TBC1D2B: variants seen among roughly 807,000 people sequenced by gnomAD.
TBC1D2B encodes the protein TBC1 domain family, member 2B.
A neutral mutation model predicts 100.8 loss-of-function variants in TBC1D2B; 64 were observed. The observed-to-expected ratio is 0.64, with a 90% CI of 0.52 to 0.78. The LOEUF is 0.78. Ranked by LOEUF, TBC1D2B falls within the 30% of genes least tolerant of loss-of-function variation. The probability of loss-of-function intolerance (pLI) is 0.00; values close to 1 mark genes in which losing one functional copy is unlikely to be tolerated. For missense variants in TBC1D2B, 1,052 were observed against 1,218.4 expected (o/e 0.86, Z 2.03); for synonymous variants, 480 against 479.7 (o/e 1.00, Z -0.01).
At chr15:78,004,432 A>T (rs2072012240) in intron 10 of TBC1D2B, among the ~76,000 whole-genome samples, 2 of 152,196 alleles carry the variant, frequency 1.3e-5, no homozygotes, top group African/African-American at 4.8e-5. Flanking sequence ...GTGAGGCAGC[A>T]CAGCCAGGCA....
intron 1 of TBC1D2B, among the ~76,000 whole-genome samples, chr15:78,074,692 GA>G (rs2073800120): frequency 6.6e-6 from 1 of 152,104 alleles, no homozygotes; most frequent in Non-Finnish European, 1.5e-5. Flanking sequence ...TTCCCCTCGC[GA>G]AAGAGCATAC....
At chr15:78,053,751 T>C in intron 2 of TBC1D2B, 1 of 309,142 alleles carries the variant, frequency 3.2e-6, no homozygotes. Context: ...AGGCTGGCCC[T>C]GCAGTCAGAA....
In TBC1D2B at chr15:78,013,145, T is replaced by C. The variant is rs1021729301; in HGVS notation, c.1948A>G (p.Met650Val). 3.7e-6 allele frequency: 6 copies of C among 1,613,838 alleles called. No individual in the cohort carries two copies. Among genetic ancestry groups the C allele is most frequent in the Non-Finnish European group, 4.2e-6 (5 of 1,179,886 alleles). Residue 650 changes from methionine (M) to valine (V), a missense_variant, in exon 9 of 13, where the codon ATG becomes GTG. Transcript: ENST00000300584. ...YFASTVNREM[M>V]CSPELKNLIR... Reference sequence around the variant, plus strand: ...AGGTTTTTTAACTCTGGAGAGCACATCATCTCCCTGTTCACTGTACTTGCA... The same window carrying C: ...AGGTTTTTTAACTCTGGAGAGCACACCATCTCCCTGTTCACTGTACTTGCA...
intron 6 of TBC1D2B, among the ~76,000 whole-genome samples, chr15:78,019,571 C>T (rs905825393): frequency 6.6e-6 from 1 of 150,846 alleles, no homozygotes; most frequent in Non-Finnish European, 1.5e-5. Context: ...CTACTGGTGT[C>T]TTAAAAGCTT....
chr15:78,030,206 C>G, intron 3 of TBC1D2B, 36 bp from the exon 4 acceptor site: 1 of 1,567,422 alleles, frequency 6.4e-7, no homozygotes, highest in Non-Finnish European at 8.7e-7. Context: ...TTAACAAAAA[C>G]AAAAGTAAAA....
chr15:78,034,489 G>A (rs1292221170), intron 3 of TBC1D2B: 1 of 985,236 alleles, frequency 1.0e-6, no homozygotes, highest in African/African-American at 1.7e-5. Context: ...TGCCCTAGCT[G>A]TCAAACTGTG....
chr15:78,074,931 T>C (rs545236609), intron 1 of TBC1D2B, among the ~76,000 whole-genome samples: 66 of 152,348 alleles, frequency 4.3e-4, no homozygotes, highest in African/African-American at 1.5e-3. Flanking sequence ...ATGTTTCATA[T>C]GCCATGTAGT....
At chr15:78,077,153 T>G (rs1596335181) in intron 1 of TBC1D2B, 140 bp downstream of exon 1, 1 of 1,174,270 alleles carries the variant, frequency 8.5e-7, no homozygotes, top group Non-Finnish European at 1.1e-6. Flanking sequence ...GGGCGGGATG[T>G]GGAGAAGCAG....
At chr15:78,064,320 G>C (rs2073612058) in intron 1 of TBC1D2B, among the ~76,000 whole-genome samples, 1 of 152,142 alleles carries the variant, frequency 6.6e-6, no homozygotes, top group Non-Finnish European at 1.5e-5. Flanking sequence ...CCTTCCCAAA[G>C]GGTCAGGTCC....
At chr15:78,068,876 C>G (rs937307789) in intron 1 of TBC1D2B, among the ~76,000 whole-genome samples, 1 of 152,350 alleles carries the variant, frequency 6.6e-6, no homozygotes, top group Non-Finnish European at 1.5e-5. Context: ...TGAGGGCTGG[C>G]CTGACAGGAT....
chr15:78,003,636 G>A (rs2071979556), intron 10 of TBC1D2B, 146 bp from the exon 11 acceptor site: 4 of 607,918 alleles, frequency 6.6e-6, no homozygotes, highest in Non-Finnish European at 5.8e-6. Context: ...GGCCCATCAC[G>A]GAGCCAGACT....
chr15:78,050,103 C>T (rs2073281744), intron 2 of TBC1D2B, among the ~76,000 whole-genome samples: 1 of 152,150 alleles, frequency 6.6e-6, no homozygotes, highest in Admixed American at 6.5e-5. Flanking sequence ...GCCTGCATTC[C>T]ACCTGATGGC....
At chr15:78,026,688 G>A (rs1435715978) in intron 4 of TBC1D2B, among the ~76,000 whole-genome samples, 1 of 152,158 alleles carries the variant, frequency 6.6e-6, no homozygotes, top group Non-Finnish European at 1.5e-5. Context: ...GGCCGAGGCA[G>A]GTGGATCACC....
intron 2 of TBC1D2B, among the ~76,000 whole-genome samples, chr15:78,052,879 G>A (rs1265169189): frequency 6.6e-6 from 1 of 152,178 alleles, no homozygotes; most frequent in Non-Finnish European, 1.5e-5. Context: ...GACTCTGAAC[G>A]AAACATAAGG....
chr15:78,072,443 C>T (rs1166119009), intron 1 of TBC1D2B, among the ~76,000 whole-genome samples: 1 of 152,200 alleles, frequency 6.6e-6, no homozygotes, highest in East Asian at 1.9e-4. Context: ...GGCAGAACAG[C>T]TTAGAAGAAC....
chr15:78,027,190 C>T (rs2072692987), intron 4 of TBC1D2B, among the ~76,000 whole-genome samples: 1 of 152,132 alleles, frequency 6.6e-6, no homozygotes, highest in African/African-American at 2.4e-5. Context: ...ACAGGCAGAA[C>T]CAACCTGCAC....
chr15:78,051,970 T>C (rs567078395), intron 2 of TBC1D2B, among the ~76,000 whole-genome samples: 4 of 152,352 alleles, frequency 2.6e-5, no homozygotes, highest in South Asian at 2.1e-4. Context: ...TAAAAATTAA[T>C]AGAAGTCTAA....
intron 10 of TBC1D2B, among the ~76,000 whole-genome samples, chr15:78,005,214 T>A (rs1028246009): frequency 6.6e-6 from 1 of 152,174 alleles, no homozygotes; most frequent in African/African-American, 2.4e-5. Context: ...CAGGAAACGC[T>A]TGCTCTGGCC....
intron 12 of TBC1D2B, among the ~76,000 whole-genome samples, chr15:78,001,173 T>C (rs987960179): frequency 6.6e-6 from 1 of 152,174 alleles, no homozygotes; most frequent in Non-Finnish European, 1.5e-5. Context: ...ACTGTTTCCT[T>C]GCTGCCCCTT....
Sources: gnomAD v4.1 joint callset for allele counts (sites outside exome capture counted in the v4.1 genomes callset) on GRCh38, gnomAD v4.1.1 for gene constraint, MANE v1.5 for transcripts, NCBI Gene and HGNC (gene_info 2026-07-23, HGNC 2026-07-21) for gene names.